The following BACH2 variants were observed in gnomAD, a reference collection of about 807,000 sequenced individuals.
The protein encoded by BACH2 is transcription regulator protein BACH2.
A neutral mutation model predicts 61.8 loss-of-function variants in BACH2; 5 were observed. That is an observed-to-expected ratio of 0.08 (90% CI 0.04 to 0.17). BACH2 has a LOEUF of 0.17. Among genes scored for constraint, BACH2 ranks in the 10% least tolerant of loss-of-function variants. The probability of loss-of-function intolerance (pLI) is 1.00; values close to 1 mark genes in which losing one functional copy is unlikely to be tolerated. For synonymous variants in BACH2, 446 were observed against 440.1 expected (o/e 1.01, Z -0.17); for missense variants, 824 against 1,091.1 (o/e 0.76, Z 3.45).
intron 6 of BACH2, among the ~76,000 whole-genome samples, chr6:89,998,954 CATTAAG>C (rs1277372370): frequency 6.6e-6 from 1 of 152,146 alleles, no homozygotes; most frequent in Non-Finnish European, 1.5e-5. Context: ...AATGCGAATC[CATTAAG>C]ATTATTAGGT....
chr6:90,210,388 C>T (rs1481420197), intron 3 of BACH2, among the ~76,000 whole-genome samples: 2 of 151,444 alleles, frequency 1.3e-5, no homozygotes, highest in African/African-American at 4.9e-5. Flanking sequence ...TAACAGAAAA[C>T]GCCTCAGAGA....
At chr6:90,213,249 C>T (rs2127852594) in intron 3 of BACH2, among the ~76,000 whole-genome samples, 1 of 152,310 alleles carries the variant, frequency 6.6e-6, no homozygotes, top group South Asian at 2.1e-4. Flanking sequence ...GAACAAGCCC[C>T]ATGTGCCAAG....
intron 3 of BACH2, among the ~76,000 whole-genome samples, chr6:90,229,371 A>G (rs1161235809): frequency 1.3e-5 from 2 of 152,104 alleles, no homozygotes; most frequent in Non-Finnish European, 1.5e-5. Flanking sequence ...GAGGCCAGAG[A>G]ATTGCTTGAA....
Position 90,037,429 on chromosome 6 carries a change from C to G in BACH2, c.-12-28573G>C, listed in dbSNP as rs78777913. Among the ~76,000 whole-genome samples, 797 of 152,316 alleles carry G rather than the reference C, an allele frequency of 5.2e-3. 51 individuals are homozygous for G. In the East Asian group the frequency reaches 0.14, roughly 26 times the overall value. On this transcript the variant is annotated intron_variant, in intron 5 of 8. Coordinates refer to ENST00000257749, the MANE Select transcript of BACH2 (RefSeq NM_021813.4). ...TCATGAAGGAGGCTAGTAAAGGAGC[C>G]AAAAGGCTCTTCATTTATTTTCTTT...
At chr6:90,258,019 C>A (rs973199335) in intron 2 of BACH2, among the ~76,000 whole-genome samples, 3 of 152,186 alleles carry the variant, frequency 2.0e-5, no homozygotes, top group Non-Finnish European at 1.5e-5. Context: ...TGTGATCCCC[C>A]TACCTCAGCC....
At chr6:90,116,953 C>T in intron 4 of BACH2, 1 of 392,414 alleles carries the variant, frequency 2.5e-6, no homozygotes, top group Non-Finnish European at 4.9e-6. Flanking sequence ...CTTCAACTTC[C>T]CTCTGTGAAA....
chr6:90,294,391 T>C (rs1562547403), intron 1 of BACH2, among the ~76,000 whole-genome samples: 1 of 152,212 alleles, frequency 6.6e-6, no homozygotes, highest in African/African-American at 2.4e-5. Context: ...TTCAATGATA[T>C]TCAGGTTTCG....
Position 89,951,103 on chromosome 6 carries a change from C to T in BACH2, c.1003G>A (p.Val335Met), listed in dbSNP as rs755616971. 12 of 1,612,322 alleles carry T rather than the reference C, an allele frequency of 7.4e-6. No homozygotes were observed. The highest frequency in any genetic ancestry group is 1.1e-5 in the South Asian group (1 of 90,840). ...GAACLERSRS[V>M]ASPSCLRSLF... ...GACCTTAAGCAGGAGGGCGAGGCCA[C>T]GCTCCTGGATCTCTCCAGGCAGGCG... The change falls in exon 7 of 9, where the codon GTG becomes ATG. Residue 335 changes from valine to methionine, a missense_variant. By Grantham distance (21) the Val-to-Met change is conservative. This residue lies in a region of BACH2 where 226 missense variants were observed against 228.5 expected (regional missense o/e 0.99). Transcript: ENST00000257749. The surrounding 1 kb of genome is among the most constrained non-coding windows in gnomAD (Gnocchi z 6.4).
intron 2 of BACH2, among the ~76,000 whole-genome samples, chr6:90,258,576 A>T (rs1466307126): frequency 6.6e-6 from 1 of 152,162 alleles, no homozygotes; most frequent in Non-Finnish European, 1.5e-5. Context: ...CAAATTTAAG[A>T]AGCATTTTTT....
chr6:90,222,531 T>C (rs922367455), intron 3 of BACH2, among the ~76,000 whole-genome samples: 5 of 152,216 alleles, frequency 3.3e-5, no homozygotes, highest in Non-Finnish European at 5.9e-5. Flanking sequence ...TGCTGAAATT[T>C]GTGCTTAGAA....
At position 89,950,511 on chromosome 6, in the gene BACH2, C is replaced by T; in HGVS notation, c.1595G>A (p.Gly532Glu). The T allele has an allele frequency of 6.2e-7, 1 of 1,613,800 alleles. No homozygotes were observed. The highest frequency in any genetic ancestry group is 8.5e-7 in the Non-Finnish European group (1 of 1,179,808). ...SCSSYSYAED[G>E]SGGSPCSLPL... ...GAGGCTGCAGGGTGAGCCCCCGCTCCCGTCCTCCGCGTAGGAATAGGAAGA... is the reference window on the plus strand; with the variant it reads ...GAGGCTGCAGGGTGAGCCCCCGCTCTCGTCCTCCGCGTAGGAATAGGAAGA... Residue 532 changes from glycine (G) to glutamate (E), a missense_variant, in exon 7 of 9, where the codon GGG (glycine) becomes GAG (glutamate). Gly to Glu is a moderately conservative substitution (Grantham distance 98). Around this residue, in one of 8 missense-constraint regions of BACH2, gnomAD observed 160 missense variants for 283.5 expected, o/e 0.56. Transcript: ENST00000257749. This position sits in a 1 kb window ranked among gnomAD's most constrained non-coding sequence, Gnocchi z 5.3.
intron 6 of BACH2, among the ~76,000 whole-genome samples, chr6:89,969,053 T>C (rs1347899364): frequency 2.7e-5 from 4 of 145,888 alleles, no homozygotes; most frequent in Non-Finnish European, 6.0e-5. Context: ...ATGTAGTCTT[T>C]TTTTTTTTTT....
Position 89,982,854 on chromosome 6 carries a change from C to T in BACH2, c.243+25748G>A, listed in dbSNP as rs538364648. Among the ~76,000 whole-genome samples, 132 of 152,352 alleles carry T rather than the reference C, an allele frequency of 8.7e-4. 1 individual carries two copies. Among genetic ancestry groups the T allele is most frequent in the African/African-American group, 3.1e-3 (128 of 41,582 alleles). ...TGAGCCCCTCATTCCAAATTACGCA[C>T]AATCTCCCCCATATCTCTTCAGCCA... On this transcript the variant is annotated intron_variant, in intron 6 of 8. Coordinates refer to ENST00000257749, the MANE Select transcript of BACH2 (RefSeq NM_021813.4).
chr6:90,225,782 G>T (rs1314571673), intron 3 of BACH2, among the ~76,000 whole-genome samples: 2 of 152,150 alleles, frequency 1.3e-5, no homozygotes, highest in Non-Finnish European at 2.9e-5. Context: ...ATAAAAATTG[G>T]AGTCAGGAAT....
intron 3 of BACH2, among the ~76,000 whole-genome samples, chr6:90,221,275 A>C (rs1554258801): frequency 6.6e-5 from 10 of 152,142 alleles, no homozygotes; most frequent in Non-Finnish European, 1.3e-4. Context: ...CAAAGTTATA[A>C]TTTTTTAATC....
intron 3 of BACH2, among the ~76,000 whole-genome samples, chr6:90,229,612 G>T (rs572824882): frequency 6.6e-6 from 1 of 152,166 alleles, no homozygotes; most frequent in Non-Finnish European, 1.5e-5. Flanking sequence ...GAAAAAGCAC[G>T]ATAACTTACA....
Position 89,931,908 on chromosome 6 carries a change from T to C in BACH2, c.*500A>G, listed in dbSNP as rs1772667722. On this transcript the variant is annotated 3_prime_UTR_variant, in exon 9 of 9. Transcript: ENST00000257749. ...GTTTCCAGTTTTAGGATGAGAAAGTTGAGGCATGCAGGACTTTTGCATATG... is the reference window on the plus strand; with the variant it reads ...GTTTCCAGTTTTAGGATGAGAAAGTCGAGGCATGCAGGACTTTTGCATATG... 6.7e-6 allele frequency: 1 copy of C among 148,292 alleles called. No homozygotes were observed. Among genetic ancestry groups the C allele is most frequent in the South Asian group, 2.1e-4 (1 of 4,738 alleles). 9.2% of individuals were successfully genotyped at this position (148,292 alleles called of 1,614,324 possible). A position where few individuals can be genotyped will look rare whatever the true frequency, so the allele number is the denominator to read the frequency against.
At chr6:90,295,686 G>T (rs1263989778) in intron 1 of BACH2, among the ~76,000 whole-genome samples, 1 of 140,820 alleles carries the variant, frequency 7.1e-6, no homozygotes, top group Admixed American at 7.0e-5. Context: ...TGTGTGTGTT[G>T]CACCTTGACT....
At chr6:90,023,603 C>A (rs1156325074) in intron 5 of BACH2, among the ~76,000 whole-genome samples, 2 of 151,994 alleles carry the variant, frequency 1.3e-5, no homozygotes, top group Non-Finnish European at 2.9e-5. Context: ...TGAGAACTAA[C>A]ACATGGAGTA....
Sources: allele counts gnomAD v4.1 joint callset (sites outside exome capture counted in the v4.1 genomes callset), GRCh38; gene constraint gnomAD v4.1.1; regional missense constraint gnomAD v4.1.1; non-coding constraint Gnocchi (gnomAD v3.1); transcripts MANE v1.5; gene names NCBI Gene and HGNC (gene_info 2026-07-23, HGNC 2026-07-21).